PTPRQ: variants seen among roughly 807,000 people sequenced by gnomAD.
The protein encoded by PTPRQ is protein tyrosine phosphatase receptor type Q, also known as phosphatidylinositol phosphatase PTPRQ.
Under a neutral mutation model 246.0 loss-of-function variants are expected in PTPRQ, and 199 were observed. That is an observed-to-expected ratio of 0.81 (90% CI 0.72 to 0.91). The LOEUF (loss-of-function observed/expected upper bound fraction) is 0.91, where lower values mean the gene tolerates loss of function less well. PTPRQ is among the 40% of genes least tolerant of loss of function. The pLI is 0.00. For synonymous variants in PTPRQ, 869 were observed against 853.2 expected (o/e 1.02, Z -0.32); for missense variants, 2,624 against 2,528.4 (o/e 1.04, Z -0.81).
chr12:80,587,645 A>C (rs1897663845), intron 25 of PTPRQ, among the ~76,000 whole-genome samples: 2 of 152,214 alleles, frequency 1.3e-5, no homozygotes, highest in South Asian at 2.1e-4. Flanking sequence ...TATACATTAA[A>C]ACTGTCAGTA....
At chr12:80,533,153 T>TA (rs1417352560) in intron 17 of PTPRQ, among the ~76,000 whole-genome samples, 3 of 152,184 alleles carry the variant, frequency 2.0e-5, no homozygotes, top group Admixed American at 1.3e-4. Context: ...TTATTATTCC[T>TA]AAAATATAAA....
rs889019678 is a variant in PTPRQ, at chr12:80,541,851, C to T, written c.3445+6C>T. 8 of 1,524,554 alleles carry T rather than the reference C, an allele frequency of 5.2e-6. No homozygotes were observed. The highest frequency in any genetic ancestry group is 7.0e-6 in the Non-Finnish European group (8 of 1,137,534). The allele number at this position is 1,524,554 out of a possible 1,614,324, so 94.4% of individuals were successfully genotyped here. ...CATCAAGACTGAAGAAGATGGTAGG[C>T]TAGACCCTTTTATTGTCTGTTAAGC... On this transcript the variant is annotated splice_donor_region_variant and intron_variant, in intron 21 of 44. Transcript: ENST00000644991.
At chr12:80,486,582 T>G (rs1894283480) in intron 9 of PTPRQ, among the ~76,000 whole-genome samples, 1 of 152,198 alleles carries the variant, frequency 6.6e-6, no homozygotes, top group Non-Finnish European at 1.5e-5. Flanking sequence ...GGGGCTTATA[T>G]AGCCACCTTA....
At chr12:80,600,642 C>T (rs1457133890) in intron 26 of PTPRQ, among the ~76,000 whole-genome samples, 1 of 151,696 alleles carries the variant, frequency 6.6e-6, no homozygotes, top group Non-Finnish European at 1.5e-5. Context: ...AGTATAGTCC[C>T]AACAGCATCG....
intron 16 of PTPRQ, among the ~76,000 whole-genome samples, chr12:80,508,823 C>T (rs562077265): frequency 2.7e-4 from 41 of 152,006 alleles, no homozygotes; most frequent in Non-Finnish European, 5.2e-4. Flanking sequence ...ATAAAATATT[C>T]GGAGATCTAC....
intron 7 of PTPRQ, 148 bp downstream of exon 7, chr12:80,468,986 G>C (rs960905332): frequency 4.7e-5 from 54 of 1,142,954 alleles, no homozygotes; most frequent in Admixed American, 3.6e-5. Context: ...GGAAGGGGAG[G>C]TCCTTTGATT....
chr12:80,599,716 T>C (rs1898080888), intron 26 of PTPRQ, among the ~76,000 whole-genome samples: 1 of 151,608 alleles, frequency 6.6e-6, no homozygotes, highest in South Asian at 2.1e-4. Context: ...TATAATACTC[T>C]ACAATACTAA....
chr12:80,546,613 T>G lies in PTPRQ; in HGVS notation c.3931T>G (p.Tyr1311Asp). ...KLVGLEPVST[Y>D]SIRVSAFTKV... ...TGTTGGACTGGAACCAGTCAGCACC[T>G]ACTCTATCCGTGTATCTGCGTTCAC... Residue 1311 changes from tyrosine to aspartate, a missense_variant, in exon 24 of 45, where the codon TAC becomes GAC. By Grantham distance (160) the Tyr-to-Asp change is radical. Transcript: ENST00000644991. 6.4e-7 allele frequency: 1 copy of G among 1,551,328 alleles called. No homozygotes were observed. Among genetic ancestry groups the G allele is most frequent in the African/African-American group, 1.4e-5 (1 of 73,148 alleles).
rs546184528 is a variant in PTPRQ, at chr12:80,549,725, C to T, written c.4276C>T (p.Pro1426Ser). The T allele has an allele frequency of 1.3e-6, 2 of 1,540,924 alleles. No homozygotes were observed. Among genetic ancestry groups the T allele is most frequent in the East Asian group, 2.5e-5 (1 of 40,780 alleles). The change falls in exon 25 of 45, where the codon CCT (proline) becomes TCT (serine). Residue 1426 changes from proline to serine, a missense_variant. Physicochemically the swap from Pro to Ser is moderately conservative, Grantham distance 74. Coordinates refer to ENST00000644991, the MANE Select transcript of PTPRQ (RefSeq NM_001145026.2). ...AAGCACATGCCATGTCAGCACACTA[C>T]CTGAAACAGGTAACTAACGTGAAAC... ...DESTCHVSTL[P>S]ETVPSVPTNI... is the part of the protein sequence containing the mutation.
intron 25 of PTPRQ, among the ~76,000 whole-genome samples, chr12:80,576,576 C>T (rs1423259293): frequency 3.3e-5 from 5 of 152,062 alleles, no homozygotes; most frequent in Admixed American, 3.3e-4. Flanking sequence ...TTCACTGATT[C>T]ACATTTTTGC....
Position 80,444,652 on chromosome 12 carries a change from G to A in PTPRQ, c.55-89G>A, listed in dbSNP as rs878901493. On this transcript the variant is annotated intron_variant, in intron 1 of 44. Transcript: ENST00000644991. ...ACAGTGCAGAGTTATATAGTGAAGAGTTAATTTTTGTTATAGTGATAGATT... is the reference window on the plus strand; with the variant it reads ...ACAGTGCAGAGTTATATAGTGAAGAATTAATTTTTGTTATAGTGATAGATT... The A allele has an allele frequency of 7.4e-6, 7 of 944,546 alleles. No individual in the cohort carries two copies. The Admixed American group carries it at 1.0e-4, about 14-fold the overall frequency. 58.5% of individuals were successfully genotyped at this position (944,546 alleles called of 1,614,324 possible). A position where few individuals can be genotyped will look rare whatever the true frequency, so the allele number is the denominator to read the frequency against.
At chr12:80,585,824 C>T (rs1437773929) in intron 25 of PTPRQ, among the ~76,000 whole-genome samples, 2 of 150,582 alleles carry the variant, frequency 1.3e-5, no homozygotes, top group East Asian at 3.9e-4. Context: ...TGCTGGTGCG[C>T]TGCACCCACT....
intron 43 of PTPRQ, among the ~76,000 whole-genome samples, chr12:80,674,335 A>T (rs1691568): frequency 0.41 from 61,591 of 151,980 alleles, 13,716 homozygotes; most frequent in African/African-American, 0.6. Flanking sequence ...AAGAAATTAA[A>T]CTGATTTTTA....
chr12:80,509,750 A>G (rs890344623), intron 16 of PTPRQ, among the ~76,000 whole-genome samples: 4 of 152,158 alleles, frequency 2.6e-5, no homozygotes, highest in Non-Finnish European at 5.9e-5. Flanking sequence ...TACGTGCTAC[A>G]TTGGCATTTC....
chr12:80,470,524 A>C (rs1893590248), intron 7 of PTPRQ, among the ~76,000 whole-genome samples: 1 of 152,188 alleles, frequency 6.6e-6, no homozygotes, highest in Non-Finnish European at 1.5e-5. Context: ...TGACTATGTA[A>C]GTTGAGTAAG....
intron 33 of PTPRQ, among the ~76,000 whole-genome samples, chr12:80,631,929 A>G (rs1056362699): frequency 6.6e-6 from 1 of 152,218 alleles, no homozygotes; most frequent in African/African-American, 2.4e-5. Flanking sequence ...CTAAGTAGTC[A>G]TCATCATATA....
In PTPRQ at chr12:80,594,724, G is replaced by A. The variant is rs1897912195; in HGVS notation, c.4609+6272G>A. On this transcript the variant is annotated intron_variant, in intron 26 of 44. Coordinates refer to ENST00000644991, the MANE Select transcript of PTPRQ (RefSeq NM_001145026.2). The stretch of plus-strand genomic sequence containing the variant: ...TTTTACCTACTCTCATCCCCCACGA[G>A]GCAAAACCTGAGTCCTATTGTATTT... Among the ~76,000 whole-genome samples the A allele has an allele frequency of 2.0e-5, 3 of 151,928 alleles. No homozygotes were observed. In the South Asian group the frequency reaches 6.2e-4, roughly 32 times the overall value.
chr12:80,602,766 T>C (rs1042949328), intron 26 of PTPRQ, among the ~76,000 whole-genome samples: 1 of 151,792 alleles, frequency 6.6e-6, no homozygotes, highest in Non-Finnish European at 1.5e-5. Context: ...CTTATAGCTC[T>C]CTAGTATTGA....
At chr12:80,511,534 C>G (rs1024675466) in intron 17 of PTPRQ, among the ~76,000 whole-genome samples, 1 of 152,184 alleles carries the variant, frequency 6.6e-6, no homozygotes, top group South Asian at 2.1e-4. Flanking sequence ...ATCTCTTACA[C>G]TCCCAAGAGA....
Sources: gnomAD v4.1 joint callset for allele counts (sites outside exome capture counted in the v4.1 genomes callset) on GRCh38, gnomAD v4.1.1 for gene constraint, MANE v1.5 for transcripts, NCBI Gene and HGNC (gene_info 2026-07-23, HGNC 2026-07-21) for gene names.